The following CACNB2 variants were observed in gnomAD, a reference collection of about 807,000 sequenced individuals.
CACNB2 encodes the protein calcium voltage-gated channel auxiliary subunit beta 2.
In CACNB2, 42 loss-of-function variants were observed where a neutral mutation model predicts 73.3. The observed-to-expected ratio is 0.57, with a 90% CI of 0.45 to 0.74. CACNB2 has a LOEUF of 0.74. Among genes scored for constraint, CACNB2 ranks in the 30% least tolerant of loss-of-function variants. The pLI, the probability that CACNB2 is intolerant of heterozygous loss-of-function variation, is 0.00. For missense variants in CACNB2, 940 were observed against 853.0 expected (o/e 1.10, Z -1.27); for synonymous variants, 348 against 310.3 (o/e 1.12, Z -1.28).
intron 2 of CACNB2, among the ~76,000 whole-genome samples, chr10:18,201,406 C>T (rs1458845365): frequency 6.6e-6 from 1 of 151,906 alleles, no homozygotes; most frequent in African/African-American, 2.4e-5. Flanking sequence ...TCCCAAGTAG[C>T]TGGGATTACA....
In CACNB2 at chr10:18,150,885, A is replaced by ATTTT; in HGVS notation, c.124_125insTTTT (p.Tyr42PhefsTer13). 1.7e-6 allele frequency: 1 copy of ATTTT among 592,122 alleles called. No individual in the cohort carries two copies. The highest frequency in any genetic ancestry group is 2.3e-6 in the Non-Finnish European group (1 of 429,354). 36.7% of individuals were successfully genotyped at this position (592,122 alleles called of 1,614,324 possible). A position where few individuals can be genotyped will look rare whatever the true frequency, so the allele number is the denominator to read the frequency against. Reference sequence around the variant, plus strand: ...TTTTTTTTTTTTTTTTTTTTTAGTCATATGGAAAAGGAGCCAGAAGGAAAA... The same window carrying ATTTT: ...TTTTTTTTTTTTTTTTTTTTTAGTCATTTTTATGGAAAAGGAGCCAGAAGGAAAA... On this transcript the variant is annotated frameshift_variant, in exon 2 of 14. Transcript: ENST00000324631. LOFTEE classifies it high-confidence loss of function.
chr10:18,255,145 A>G (rs2037230910), intron 2 of CACNB2, among the ~76,000 whole-genome samples: 1 of 152,194 alleles, frequency 6.6e-6, no homozygotes. Flanking sequence ...TGTGGGAAAG[A>G]AATCCCACTG....
intron 2 of CACNB2, among the ~76,000 whole-genome samples, chr10:18,167,417 T>C (rs1402184573): frequency 6.6e-6 from 1 of 152,056 alleles, no homozygotes; most frequent in African/African-American, 2.4e-5. Flanking sequence ...AATATTCCCA[T>C]GTAAGATACC....
intron 2 of CACNB2, among the ~76,000 whole-genome samples, chr10:18,273,929 G>C (rs568904818): frequency 7.2e-5 from 11 of 152,120 alleles, no homozygotes; most frequent in East Asian, 3.9e-4. Context: ...GTTTCTTCTT[G>C]TTGTTGGAAT....
At position 18,236,360 on chromosome 10, in the gene CACNB2, C is replaced by T. The variant is rs76306051; in HGVS notation, c.213+85385C>T. Reference sequence around the variant, plus strand: ...AATGGCAGGAAAGGGCGCAAGCCCACAGTATGGACATCTCTGTATTGATGG... The same window carrying T: ...AATGGCAGGAAAGGGCGCAAGCCCATAGTATGGACATCTCTGTATTGATGG... On this transcript the variant is annotated intron_variant, in intron 2 of 13. Transcript: ENST00000324631. Among the ~76,000 whole-genome samples, 641 of 152,276 alleles carry T rather than the reference C, an allele frequency of 4.2e-3. 8 individuals carry two copies. The East Asian group carries it at 0.045, about 11-fold the overall frequency.
intron 3 of CACNB2, among the ~76,000 whole-genome samples, chr10:18,441,531 C>T (rs529574775): frequency 1.3e-5 from 2 of 152,208 alleles, no homozygotes; most frequent in East Asian, 3.9e-4. Context: ...TACAAAATTT[C>T]CTTTTTTCTT....
At chr10:18,373,798 A>G (rs1328570556) in intron 2 of CACNB2, among the ~76,000 whole-genome samples, 1 of 152,186 alleles carries the variant, frequency 6.6e-6, no homozygotes, top group Non-Finnish European at 1.5e-5. Context: ...CTTTGGGGGA[A>G]GTATTTATCC....
intron 2 of CACNB2, among the ~76,000 whole-genome samples, chr10:18,337,270 C>T (rs185529713): frequency 2.0e-5 from 3 of 152,198 alleles, no homozygotes; most frequent in Non-Finnish European, 2.9e-5. Context: ...GCTGGGACTA[C>T]GGACATGCAC....
chr10:18,483,724 C>T (rs545056490), intron 3 of CACNB2, among the ~76,000 whole-genome samples: 1 of 152,266 alleles, frequency 6.6e-6, no homozygotes, highest in South Asian at 2.1e-4. Flanking sequence ...TCTCCCCGTG[C>T]TTGTCAGCAT....
intron 2 of CACNB2, among the ~76,000 whole-genome samples, chr10:18,237,835 T>C (rs1027095615): frequency 1.8e-4 from 27 of 151,950 alleles, no homozygotes; most frequent in African/African-American, 6.0e-4. Context: ...TGGAGTTGAG[T>C]TGTGTTCTGG....
chr10:18,242,315 C>T (rs987105068), intron 2 of CACNB2, among the ~76,000 whole-genome samples: 9 of 152,042 alleles, frequency 5.9e-5, no homozygotes, highest in African/African-American at 1.5e-4. Context: ...TAGGCCCACA[C>T]CTTGTGTCAA....
chr10:18,213,776 G>A (rs904591141), intron 2 of CACNB2, among the ~76,000 whole-genome samples: 1 of 152,196 alleles, frequency 6.6e-6, no homozygotes, highest in Non-Finnish European at 1.5e-5. Flanking sequence ...ATGGCTAGAA[G>A]AGCCATCTCT....
intron 3 of CACNB2, among the ~76,000 whole-genome samples, chr10:18,452,614 G>C (rs1408218191): frequency 6.6e-6 from 1 of 152,148 alleles, no homozygotes; most frequent in Non-Finnish European, 1.5e-5. Flanking sequence ...CACAATCATA[G>C]CTCCCCTGTC....
chr10:18,425,839 T>C (rs1564534238), intron 3 of CACNB2, among the ~76,000 whole-genome samples: 1 of 152,234 alleles, frequency 6.6e-6, no homozygotes, highest in African/African-American at 2.4e-5. Context: ...TCTGACTTCA[T>C]GTAGAATACC....
chr10:18,502,072 C>T (rs765934387), intron 5 of CACNB2, among the ~76,000 whole-genome samples: 3 of 151,946 alleles, frequency 2.0e-5, no homozygotes, highest in Admixed American at 6.6e-5. Flanking sequence ...ACTGGGAGGC[C>T]GAGGCAGACA....
chr10:18,290,064 C>G (rs1404174242), intron 2 of CACNB2, among the ~76,000 whole-genome samples: 1 of 136,654 alleles, frequency 7.3e-6, no homozygotes, highest in East Asian at 2.2e-4. Context: ...TATGACATCT[C>G]TGTATCTTAA....
rs573949241 is a variant in CACNB2, at chr10:18,476,262, A to G, written c.334-22093A>G. Among the ~76,000 whole-genome samples the G allele has an allele frequency of 4.8e-4, 73 of 152,306 alleles. No individual in the cohort carries two copies. The South Asian group carries it at 0.015, about 31-fold the overall frequency. On this transcript the variant is annotated intron_variant, in intron 3 of 13. Transcript: ENST00000324631. Reference sequence around the variant, plus strand: ...GTTAATGCATTGTAATTAGTGTATTATTGTTACAGTGGAGGGTGTCCACGT... The same window carrying G: ...GTTAATGCATTGTAATTAGTGTATTGTTGTTACAGTGGAGGGTGTCCACGT...
At chr10:18,264,316 C>T (rs1277721) in intron 2 of CACNB2, among the ~76,000 whole-genome samples, 77,039 of 152,034 alleles carry the variant, frequency 0.51, 19,775 homozygotes, top group East Asian at 0.6. Flanking sequence ...TCCTTTGTGT[C>T]ACAAACAATC....
intron 2 of CACNB2, among the ~76,000 whole-genome samples, chr10:18,283,838 G>A (rs2038669484): frequency 1.3e-5 from 2 of 152,056 alleles, no homozygotes; most frequent in Admixed American, 1.3e-4. Context: ...AATAAAAAGT[G>A]TTCTTCAAAC....
Sources: allele counts gnomAD v4.1 joint callset (sites outside exome capture counted in the v4.1 genomes callset), GRCh38; gene constraint gnomAD v4.1.1; transcripts MANE v1.5; gene names NCBI Gene and HGNC (gene_info 2026-07-23, HGNC 2026-07-21).